TTN: variants seen among roughly 807,000 people sequenced by gnomAD.
The protein encoded by TTN is titin.
TTN carries 1,525 observed loss-of-function variants against 3,223.0 expected under a neutral mutation model. The ratio of observed to expected loss-of-function variants is 0.47; its 90% confidence interval spans 0.45 to 0.49. TTN has a LOEUF of 0.49. Ranked by LOEUF, TTN falls within the 20% of genes least tolerant of loss-of-function variation. The pLI is 0.00. For synonymous variants in TTN, 14,094 were observed against 15,161.0 expected, an observed-to-expected ratio of 0.93 and a Z score of 5.17; for missense variants, 40,786 against 43,424.0, an observed-to-expected ratio of 0.94 and a Z score of 5.40.
intron 288 of TTN, among the ~76,000 whole-genome samples, chr2:178,600,110 T>G (rs978003925): frequency 1.3e-5 from 2 of 151,968 alleles, no homozygotes; most frequent in African/African-American, 4.8e-5. Context: ...ATGCATGTAA[T>G]GATGTGTATT....
chr2:178,602,603 G>GAA lies in TTN; in HGVS notation c.54812-15_54812-14dup. 1.5e-6 allele frequency: 2 copies of GAA among 1,346,244 alleles called. No individual in the cohort carries two copies. Among genetic ancestry groups the GAA allele is most frequent in the Non-Finnish European group, 9.7e-7 (1 of 1,029,278 alleles). 83.4% of individuals were successfully genotyped at this position (1,346,244 alleles called of 1,614,324 possible). ...GGCCCCGGTGGAACTAATAACAAAA[G>GAA]AAAAAAAAAAGCTTCATCAGATTTT... On this transcript the variant is annotated splice_polypyrimidine_tract_variant and intron_variant, in intron 282 of 362. Coordinates refer to ENST00000589042, the MANE Select transcript of TTN (RefSeq NM_001267550.2).
In TTN at chr2:178,611,516, G is replaced by A. The variant is rs267599049; in HGVS notation, c.50713C>T (p.Arg16905Cys). The part of the protein sequence containing the change: ...GTEKWMRVNS[R>C]PIKDLKFKVE... ...TTGAATTTCAAGTCCTTTATTGGGC[G>A]AGAATTAACTCTCATCCATTTCTCA... Residue 16905 changes from arginine to cysteine, a missense_variant, in exon 269 of 363, where the codon CGC (arginine) becomes TGC (cysteine). Physicochemically the swap from Arg to Cys is radical, Grantham distance 180. Coordinates refer to ENST00000589042, the MANE Select transcript of TTN (RefSeq NM_001267550.2). 30 of 1,612,790 alleles carry A rather than the reference G, an allele frequency of 1.9e-5. No homozygotes were observed. Among genetic ancestry groups the A allele is most frequent in the South Asian group, 1.6e-4 (15 of 91,064 alleles).
At chr2:178,799,196 C>T (rs2154358283) in intron 6 of TTN, 2 of 409,386 alleles carry the variant, frequency 4.9e-6, no homozygotes, top group Non-Finnish European at 9.2e-6. Flanking sequence ...CCTTCCCGCC[C>T]AAATGTTGCA....
At position 178,684,733 on chromosome 2, in the gene TTN, C is replaced by T; in HGVS notation, c.32571G>A (p.Lys10857=). The change falls in exon 131 of 363, where the codon AAG becomes AAA. Residue 10857 remains lysine (K), a synonymous_variant. Transcript: ENST00000589042. The part of the protein sequence containing the change: ...VPPPKVPEEP[K]KPVPEKKVPP... ...GAACCTTTTTTTCTGGAACTGGTTT[C>T]TTTGGCTCTTCTGGCACTTAAAAGA... The T allele has an allele frequency of 6.2e-7, 1 of 1,613,422 alleles. No homozygotes were observed. The highest frequency in any genetic ancestry group is 8.5e-7 in the Non-Finnish European group (1 of 1,179,640).
At chr2:178,540,639 CAT>C (rs1028120246) in intron 350 of TTN, among the ~76,000 whole-genome samples, 4 of 151,938 alleles carry the variant, frequency 2.6e-5, no homozygotes, top group Non-Finnish European at 5.9e-5. Flanking sequence ...CTACTAAAAA[CAT>C]AAAAATTAGC....
chr2:178,773,313 C>A lies in TTN; in HGVS notation c.7651G>T (p.Val2551Leu). Residue 2551 changes from valine to leucine, a missense_variant, in exon 33 of 363, where the codon GTG becomes TTG. By Grantham distance (32) the Val-to-Leu change is conservative. Transcript: ENST00000589042. ...GAGTGGGACAGCTCAACCTCAAACA[C>A]CACATTTTGAGTTTCTGTACAGGTA... is the stretch of plus-strand genomic sequence containing the variant. ...DLTCTETQNV[V>L]FEVELSHSGI... The A allele has an allele frequency of 6.2e-7, 1 of 1,613,916 alleles. No homozygotes were observed. The highest frequency in any genetic ancestry group is 1.3e-5 in the African/African-American group (1 of 75,000).
In TTN at chr2:178,706,854, G is replaced by A; in HGVS notation, c.29134+8C>T. On this transcript the variant is annotated splice_region_variant and intron_variant, in intron 101 of 362. Transcript: ENST00000589042. ...GATGAAGATGTACTTCTCATGAAGTGCACTTACTTTCTACGACTCTGATAC... is the reference window on the plus strand; with the variant it reads ...GATGAAGATGTACTTCTCATGAAGTACACTTACTTTCTACGACTCTGATAC... The A allele has an allele frequency of 1.9e-6, 3 of 1,609,324 alleles. No homozygotes were observed. Among genetic ancestry groups the A allele is most frequent in the Non-Finnish European group, 2.5e-6 (3 of 1,176,534 alleles).
At chr2:178,757,227 A>ACACTGTACT (rs1182075269) in intron 45 of TTN, among the ~76,000 whole-genome samples, 40 of 150,278 alleles carry the variant, frequency 2.7e-4, no homozygotes, top group Non-Finnish European at 4.0e-4. Flanking sequence ...ACAGTAAGTA[A>ACACTGTACT]TAATCAGCAA....
Position 178,694,603 on chromosome 2 carries a change from C to T in TTN, c.31422G>A (p.Val10474=), listed in dbSNP as rs72650020. The T allele has an allele frequency of 2.8e-5, 43 of 1,554,504 alleles. No individual in the cohort carries two copies. The African/African-American group carries it at 5.2e-4, about 19-fold the overall frequency. ...CTGAAACACAAAGATGTATACCTTTCACTTCAATAACTTCTTCCTGTACTG... is the reference window on the plus strand; with the variant it reads ...CTGAAACACAAAGATGTATACCTTTTACTTCAATAACTTCTTCCTGTACTG... ...RTPVQEEVIE[V]KVPAVHTKKM... Residue 10474 remains valine (V), a synonymous_variant, in exon 117 of 363, where the codon GTG becomes GTA. Coordinates refer to ENST00000589042, the MANE Select transcript of TTN (RefSeq NM_001267550.2).
At position 178,731,156 on chromosome 2, in the gene TTN, C is replaced by T; in HGVS notation, c.17509G>A (p.Gly5837Arg). ...EEAVSIDVTQ[G>R]DPATLQVKFS... ...TTAACCTGCAAAGTGGCTGGGTCTC[C>T]TTGGGTGACATCTATAGACACAGCT... Residue 5837 changes from glycine (G) to arginine (R), a missense_variant, in exon 60 of 363, where the codon GGA (glycine) becomes AGA (arginine). By Grantham distance (125) the Gly-to-Arg change is moderately radical. Coordinates refer to ENST00000589042, the MANE Select transcript of TTN (RefSeq NM_001267550.2). The T allele has an allele frequency of 1.2e-6, 2 of 1,613,586 alleles. No homozygotes were observed. Among genetic ancestry groups the T allele is most frequent in the Non-Finnish European group, 1.7e-6 (2 of 1,179,678 alleles).
Position 178,688,727 on chromosome 2 carries a change from TC to T in TTN, c.32146del (p.Glu10716LysfsTer56). 1 of 1,613,916 alleles carries T rather than the reference TC, an allele frequency of 6.2e-7. No individual in the cohort carries two copies. Among genetic ancestry groups the T allele is most frequent in the Non-Finnish European group, 8.5e-7 (1 of 1,179,792 alleles). On this transcript the variant is annotated frameshift_variant, in exon 126 of 363. Transcript: ENST00000589042. LOFTEE classifies it high-confidence loss of function. ...TTGAGGAACTGCGAAGGATAGTTTTTCTTCAGCAACAAATCTCTTTTCTTCT... is the reference window on the plus strand; with the variant it reads ...TTGAGGAACTGCGAAGGATAGTTTTTTTCAGCAACAAATCTCTTTTCTTCT... ...VVEEKRFVAEEKLSFAVPQRV... is the reference protein window; with the variant it reads ...VVEEKRFVAEXKLSFAVPQRV...
chr2:178,592,207 T>C lies in TTN; in HGVS notation c.59697A>G (p.Lys19899=). ...CAGAACCACCATCATCCAGTGGTTC[T>C]TTCCAAGTAAGGTAACATGAATCTT... The part of the protein sequence containing the change: ...IRKDSCYLTW[K]EPLDDGGSVI... The change falls in exon 302 of 363, where the codon AAA becomes AAG. Residue 19899 remains lysine, a synonymous_variant. Transcript: ENST00000589042. 1 of 1,612,102 alleles carries C rather than the reference T, an allele frequency of 6.2e-7. No individual in the cohort carries two copies.
chr2:178,737,083 G>T (rs1239572874), intron 49 of TTN, among the ~76,000 whole-genome samples: 1 of 151,730 alleles, frequency 6.6e-6, no homozygotes, highest in African/African-American at 2.4e-5. Flanking sequence ...AAGAGGGAAA[G>T]AAAGAAAAGA....
chr2:178,646,104 T>TCA (rs1553761409), intron 216 of TTN, 74 bp from the exon 217 acceptor site: 2 of 37,646 alleles, frequency 5.3e-5, no homozygotes, highest in African/African-American at 1.7e-4. Flanking sequence ...TTAATAGAAA[T>TCA]TATATATATA....
At position 178,609,219 on chromosome 2, in the gene TTN, ACAGTACAAGGAGCTTTTG is replaced by A. The variant is rs757958434; in HGVS notation, c.52073_52090del (p.Ala17358_Thr17363del). 6.6e-7 allele frequency: 1 copy of A among 1,511,768 alleles called. No homozygotes were observed. The highest frequency in any genetic ancestry group is 2.4e-5 in the Admixed American group (1 of 42,106). The allele number at this position is 1,511,768 out of a possible 1,614,324, so 93.6% of individuals were successfully genotyped here. Reference sequence around the variant, plus strand: ...TTTTAATGACTCACCTAACACACTGACAGTACAAGGAGCTTTTGCAATACCGTGGTCATTTTCAACTTT... The same window carrying A: ...TTTTAATGACTCACCTAACACACTGACAATACCGTGGTCATTTTCAACTTT... On this transcript the variant is annotated inframe_deletion, in exon 273 of 363. Transcript: ENST00000589042.
chr2:178,729,411 C>T lies in TTN; in HGVS notation c.18745G>A (p.Asp6249Asn), dbSNP rs201263441. ...TGGAGGTTAAACACAGACACTCTGTCGGTCAATGTGTATTTTTTGCTGCTT... is the reference window on the plus strand; with the variant it reads ...TGGAGGTTAAACACAGACACTCTGTTGGTCAATGTGTATTTTTTGCTGCTT... ...IRSSKKYTLT[D>N]RVSVFNLHIT... The change falls in exon 64 of 363, where the codon GAC becomes AAC. Residue 6249 changes from aspartate (D) to asparagine (N), a missense_variant. Transcript: ENST00000589042. The T allele has an allele frequency of 1.9e-4, 302 of 1,613,490 alleles. 1 individual carries two copies. The highest frequency in any genetic ancestry group is 5.0e-5 in the Admixed American group (3 of 59,960).
chr2:178,783,126 T>C (rs191062349), intron 17 of TTN, 62 bp from the exon 18 acceptor site: 5 of 1,583,504 alleles, frequency 3.2e-6, no homozygotes, highest in Admixed American at 1.7e-5. Context: ...ACTTCTGTTT[T>C]GTAACAAATG....
At position 178,602,350 on chromosome 2, in the gene TTN, G is replaced by C. The variant is rs948552885; in HGVS notation, c.55052C>G (p.Ala18351Gly). 5 of 1,612,820 alleles carry C rather than the reference G, an allele frequency of 3.1e-6. No homozygotes were observed. The Admixed American group carries it at 6.7e-5, about 22-fold the overall frequency. ...ELRKYRFRVK[A>G]VNEAGESEPS... ...TTCAGATTCACCAGCTTCATTGACA[G>C]CTTTCACTCTGAATCTGTACTTCCT... The change falls in exon 283 of 363, where the codon GCT becomes GGT. Residue 18351 changes from alanine (A) to glycine (G), a missense_variant. Physicochemically the swap from Ala to Gly is moderately conservative, Grantham distance 60. Coordinates refer to ENST00000589042, the MANE Select transcript of TTN (RefSeq NM_001267550.2).
intron 20 of TTN, among the ~76,000 whole-genome samples, chr2:178,781,610 C>G (rs567154974): frequency 1.6e-4 from 25 of 152,236 alleles, no homozygotes; most frequent in African/African-American, 5.8e-4. Context: ...ATTCAGAGAT[C>G]AAATGAATAA....
Sources: gnomAD v4.1 joint callset for allele counts (sites outside exome capture counted in the v4.1 genomes callset) on GRCh38, gnomAD v4.1.1 for gene constraint, MANE v1.5 for transcripts, NCBI Gene and HGNC (gene_info 2026-07-23, HGNC 2026-07-21) for gene names.